Variants in SORL1 observed in about 807,000 individuals in gnomAD.
SORL1 encodes the protein sortilin related receptor 1, also known as sortilin-related receptor.
In SORL1, 127 loss-of-function variants were observed where a neutral mutation model predicts 273.7. The observed-to-expected ratio is 0.46, with a 90% CI of 0.40 to 0.54. The LOEUF (loss-of-function observed/expected upper bound fraction) is 0.54, where lower values mean the gene tolerates loss of function less well. Ranked by LOEUF, SORL1 falls within the 20% of genes least tolerant of loss-of-function variation. SORL1 has a pLI of 0.00. For synonymous variants in SORL1, 1,031 were observed against 1,067.4 expected (o/e 0.97, Z 0.66); for missense variants, 2,494 against 2,846.1 (o/e 0.88, Z 2.81).
chr11:121,588,955 C>A (rs546208621), intron 28 of SORL1, among the ~76,000 whole-genome samples: 1 of 152,338 alleles, frequency 6.6e-6, no homozygotes, highest in African/African-American at 2.4e-5. Context: ...TTTCCTCTTT[C>A]AAGCCCTTAT....
At chr11:121,490,585 CA>C (rs1243671587) in intron 5 of SORL1, among the ~76,000 whole-genome samples, 6 of 151,770 alleles carry the variant, frequency 4.0e-5, no homozygotes, top group African/African-American at 1.5e-4. Flanking sequence ...ACTAAAAATA[CA>C]AAAATTAGCT....
rs1860822879 is a variant in SORL1, at chr11:121,452,655, C to G, written c.285+39C>G. The G allele has an allele frequency of 7.1e-7, 1 of 1,412,114 alleles. No individual in the cohort carries two copies. Among genetic ancestry groups the G allele is most frequent in the Non-Finnish European group, 9.2e-7 (1 of 1,084,414 alleles). The allele number at this position is 1,412,114 out of a possible 1,614,324, so 87.5% of individuals were successfully genotyped here. The stretch of plus-strand genomic sequence containing the variant: ...CAACCCGCCTCCCTCCAGTTTTTTC[C>G]TCTCCCTGCACTTCCTCACCCCCGC... On this transcript the variant is annotated intron_variant, in intron 1 of 47. Coordinates refer to ENST00000260197, the MANE Select transcript of SORL1 (RefSeq NM_003105.6). The surrounding 1 kb of genome is among the most constrained non-coding windows in gnomAD (Gnocchi z 5.3).
chr11:121,615,040 C>T lies in SORL1; in HGVS notation c.5589C>T (p.Thr1863=), dbSNP rs368504573. The part of the protein sequence containing the change: ...INQTAVECTW[T]GPRNVVYGIF... ...AGACTGCAGTGGAATGTACCTGGAC[C>T]GGCCCCCGGAATGTGGTGAGTCAGC... is the stretch of plus-strand genomic sequence containing the variant. The change falls in exon 41 of 48, where the codon ACC becomes ACT. Residue 1863 remains threonine, a synonymous_variant. Transcript: ENST00000260197. The T allele has an allele frequency of 5.9e-5, 95 of 1,600,846 alleles. No individual in the cohort carries two copies. In the East Asian group the frequency reaches 1.5e-3, roughly 25 times the overall value.
At chr11:121,492,806 ATT>A (rs34141065) in intron 5 of SORL1, among the ~76,000 whole-genome samples, 2 of 140,328 alleles carry the variant, frequency 1.4e-5, no homozygotes, top group Admixed American at 7.2e-5. Context: ...CTTAAGGGTC[ATT>A]TTTTTTTTTT....
intron 11 of SORL1, among the ~76,000 whole-genome samples, chr11:121,527,788 T>C (rs1200110803): frequency 3.3e-5 from 5 of 152,190 alleles, no homozygotes; most frequent in Admixed American, 2.0e-4. Flanking sequence ...ATTCTCTTTA[T>C]CTTTTTAATG....
At chr11:121,460,971 T>C (rs934461324) in intron 1 of SORL1, among the ~76,000 whole-genome samples, 5 of 152,160 alleles carry the variant, frequency 3.3e-5, no homozygotes, top group Non-Finnish European at 7.4e-5. Context: ...CCAGTGCTGA[T>C]CTGCCCAAGG....
At chr11:121,547,417 C>CAAAAAAAAAAAAAAAAAAAAAA (rs67390938) in intron 14 of SORL1, among the ~76,000 whole-genome samples, 5 of 24,034 alleles carry the variant, frequency 2.1e-4, no homozygotes, top group African/African-American at 7.3e-4. Flanking sequence ...CAACCCTCAC[C>CAAAAAAAAAAAAAAAAAAAAAA]AAAAAAAAAA....
chr11:121,583,781 G>T lies in SORL1; in HGVS notation c.3706+198G>T, dbSNP rs1421092734. Among the ~76,000 whole-genome samples, 3 of 152,184 alleles carry T rather than the reference G, an allele frequency of 2.0e-5. No individual in the cohort carries two copies. In the East Asian group the frequency reaches 5.8e-4, roughly 29 times the overall value. Reference sequence around the variant, plus strand: ...ATTATATTATATAGTCTTAAGAGTTGCAGGCAAGCAGTTTGCCCCACACAC... The same window carrying T: ...ATTATATTATATAGTCTTAAGAGTTTCAGGCAAGCAGTTTGCCCCACACAC... On this transcript the variant is annotated intron_variant, in intron 26 of 47. Coordinates refer to ENST00000260197, the MANE Select transcript of SORL1 (RefSeq NM_003105.6).
chr11:121,616,996 G>A (rs1863652429), intron 41 of SORL1, among the ~76,000 whole-genome samples: 1 of 152,230 alleles, frequency 6.6e-6, no homozygotes, highest in Non-Finnish European at 1.5e-5. Context: ...AGGCTATAGG[G>A]AAATTTAAAC....
chr11:121,603,166 T>G (rs931176423), intron 32 of SORL1, among the ~76,000 whole-genome samples: 2 of 152,246 alleles, frequency 1.3e-5, no homozygotes, highest in South Asian at 4.1e-4. Flanking sequence ...CTTTGTTACA[T>G]AAGGTAACAT....
chr11:121,593,239 G>C (rs1219751351), intron 31 of SORL1, among the ~76,000 whole-genome samples: 1 of 152,152 alleles, frequency 6.6e-6, no homozygotes, highest in Admixed American at 6.5e-5. Context: ...CTGCAGAGTG[G>C]TTCTGAGATA....
In SORL1 at chr11:121,566,938, A is replaced by G; in HGVS notation, c.3050-2A>G. 1 of 1,612,724 alleles carries G rather than the reference A, an allele frequency of 6.2e-7. No individual in the cohort carries two copies. The highest frequency in any genetic ancestry group is 8.5e-7 in the Non-Finnish European group (1 of 1,179,484). On this transcript the variant is annotated splice_acceptor_variant, in intron 21 of 47. Coordinates refer to ENST00000260197, the MANE Select transcript of SORL1 (RefSeq NM_003105.6). LOFTEE classifies it high-confidence loss of function. ...ACCTGCTGCTGTTTGTCTTCCCTCC[A>G]GGAAGCAATGCCTGTGTGCCCAGGC...
intron 11 of SORL1, among the ~76,000 whole-genome samples, chr11:121,525,060 A>G (rs1192205525): frequency 5.9e-5 from 9 of 152,258 alleles, no homozygotes; most frequent in South Asian, 4.1e-4. Context: ...CACAATTAAG[A>G]TAACAAACAT....
At position 121,555,324 on chromosome 11, in the gene SORL1, T is replaced by G; in HGVS notation, c.2571+6T>G. On this transcript the variant is annotated splice_donor_region_variant and intron_variant, in intron 18 of 47. Transcript: ENST00000260197. The stretch of plus-strand genomic sequence containing the variant: ...CAGGCTTCAAAAAGATTGAGGTATG[T>G]GTATTTTCGTGCTGTTCTTAATTAA... 1 of 1,613,236 alleles carries G rather than the reference T, an allele frequency of 6.2e-7. No individual in the cohort carries two copies. The highest frequency in any genetic ancestry group is 2.2e-5 in the East Asian group (1 of 44,856).
At chr11:121,569,895 G>A (rs1004338363) in intron 22 of SORL1, among the ~76,000 whole-genome samples, 3 of 152,028 alleles carry the variant, frequency 2.0e-5, no homozygotes, top group African/African-American at 4.8e-5. Context: ...GGAACCTGCC[G>A]ACATGTGATG....
At chr11:121,570,430 T>C (rs532930581) in intron 23 of SORL1, among the ~76,000 whole-genome samples, 160 bp downstream of exon 23, 2 of 152,174 alleles carry the variant, frequency 1.3e-5, no homozygotes, top group Non-Finnish European at 2.9e-5. Flanking sequence ...CATATTTCCA[T>C]ACACAGGTAG....
intron 2 of SORL1, among the ~76,000 whole-genome samples, chr11:121,472,540 A>T (rs537949005): frequency 6.6e-6 from 1 of 152,330 alleles, no homozygotes; most frequent in East Asian, 1.9e-4. Context: ...TTTTAGCACT[A>T]AAAGCCCCAC....
chr11:121,556,601 A>G (rs1170099948), intron 18 of SORL1, among the ~76,000 whole-genome samples: 1 of 152,196 alleles, frequency 6.6e-6, no homozygotes, highest in Non-Finnish European at 1.5e-5. Flanking sequence ...CTGTGGGGCG[A>G]CCACTGCACA....
chr11:121,462,283 A>C (rs1861012049), intron 1 of SORL1, among the ~76,000 whole-genome samples: 1 of 152,134 alleles, frequency 6.6e-6, no homozygotes, highest in Admixed American at 6.5e-5. Context: ...GTAATTTTTC[A>C]AACACAGCAA....
Sources: gnomAD v4.1 joint callset for allele counts (sites outside exome capture counted in the v4.1 genomes callset) on GRCh38, gnomAD v4.1.1 for gene constraint, Gnocchi (gnomAD v3.1) non-coding constraint, MANE v1.5 for transcripts, NCBI Gene and HGNC (gene_info 2026-07-23, HGNC 2026-07-21) for gene names.